Variants in ZNF727 observed in about 807,000 individuals in gnomAD.
ZNF727 encodes the protein zinc finger protein 727.
In ZNF727, 11 loss-of-function variants were observed where a neutral mutation model predicts 11.5. The observed-to-expected ratio is 0.95, with a 90% CI of 0.60 to 1.58. The LOEUF (loss-of-function observed/expected upper bound fraction) is 1.58. Ranked by LOEUF, ZNF727 falls within the 40% of genes most tolerant of loss-of-function variation. The pLI, the probability that ZNF727 is intolerant of heterozygous loss-of-function variation, is 0.00. For missense variants in ZNF727, 533 were observed against 581.7 expected (o/e 0.92, Z 0.86); for synonymous variants, 171 against 196.1 (o/e 0.87, Z 1.07).
At chr7:64,075,066 G>A (rs900022763) in intron 3 of ZNF727, among the ~76,000 whole-genome samples, 16 of 151,736 alleles carry the variant, frequency 1.1e-4, no homozygotes, top group African/African-American at 3.9e-4. Flanking sequence ...TAATTAATAG[G>A]CACACCATAT....
intron 1 of ZNF727, among the ~76,000 whole-genome samples, chr7:64,060,528 C>T (rs1241749232): frequency 6.6e-6 from 1 of 152,184 alleles, no homozygotes; most frequent in Non-Finnish European, 1.5e-5. Context: ...GCCATTCCAG[C>T]CCCATCTTTC....
In ZNF727 at chr7:64,082,053, G is replaced by T. The variant is rs1211879764; in HGVS notation, c.*3504G>T. Reference sequence around the variant, plus strand: ...TGTGGGACCCATGGAGGATGGACTGGCCCTCTCTCCTTGGGTAAACTACAG... The same window carrying T: ...TGTGGGACCCATGGAGGATGGACTGTCCCTCTCTCCTTGGGTAAACTACAG... On this transcript the variant is annotated 3_prime_UTR_variant, in exon 4 of 4. Transcript: ENST00000456806. Among the ~76,000 whole-genome samples the T allele has an allele frequency of 6.6e-6, 1 of 152,130 alleles. No homozygotes were observed. The highest frequency in any genetic ancestry group is 1.5e-5 in the Non-Finnish European group (1 of 68,022).
chr7:64,076,762 T>C (rs1219634864), intron 3 of ZNF727, among the ~76,000 whole-genome samples: 1 of 152,224 alleles, frequency 6.6e-6, no homozygotes, highest in Non-Finnish European at 1.5e-5. Context: ...CTTCTGCCTG[T>C]AGTCACTTGC....
chr7:64,059,633 T>C (rs1345246287), intron 1 of ZNF727, among the ~76,000 whole-genome samples: 1 of 152,190 alleles, frequency 6.6e-6, no homozygotes, highest in Admixed American at 6.5e-5. Context: ...CCCTCTTTCA[T>C]GAGAACAAAT....
At chr7:64,072,194 A>G (rs1789971735) in intron 3 of ZNF727, among the ~76,000 whole-genome samples, 1 of 152,114 alleles carries the variant, frequency 6.6e-6, no homozygotes, top group South Asian at 2.1e-4. Context: ...AGCAGGTACA[A>G]ATCTTCTCTT....
At chr7:64,075,807 C>T (rs1481388559) in intron 3 of ZNF727, among the ~76,000 whole-genome samples, 1 of 152,024 alleles carries the variant, frequency 6.6e-6, no homozygotes, top group Non-Finnish European at 1.5e-5. Flanking sequence ...GTAGTAGTAG[C>T]AATATCCCAA....
intron 3 of ZNF727, among the ~76,000 whole-genome samples, chr7:64,074,392 T>C (rs1348328094): frequency 1.3e-5 from 2 of 152,174 alleles, no homozygotes; most frequent in Non-Finnish European, 2.9e-5. Flanking sequence ...AACTCATATT[T>C]TTGCTGTGAG....
chr7:64,061,215 A>T (rs1324542782), intron 1 of ZNF727, among the ~76,000 whole-genome samples: 1 of 152,090 alleles, frequency 6.6e-6, no homozygotes, highest in Non-Finnish European at 1.5e-5. Context: ...ATTAAGTCCA[A>T]TGTTTATTTG....
intron 3 of ZNF727, among the ~76,000 whole-genome samples, chr7:64,070,150 G>A (rs1291813287): frequency 6.6e-6 from 1 of 151,970 alleles, no homozygotes; most frequent in East Asian, 1.9e-4. Flanking sequence ...TTTATACTCA[G>A]TAATTATATT....
At chr7:64,065,593 G>T (rs1292436460) in intron 1 of ZNF727, among the ~76,000 whole-genome samples, 1 of 152,024 alleles carries the variant, frequency 6.6e-6, no homozygotes, top group African/African-American at 2.4e-5. Context: ...CACAGAGAAG[G>T]AGAAGAAAAA....
chr7:64,073,466 ATT>A (rs1177125240), intron 3 of ZNF727, among the ~76,000 whole-genome samples: 1 of 150,188 alleles, frequency 6.7e-6, no homozygotes. Flanking sequence ...TCTTTGTTCT[ATT>A]TTTGAGTTAT....
At chr7:64,048,206 G>A (rs1278547211) in intron 1 of ZNF727, among the ~76,000 whole-genome samples, 1 of 152,006 alleles carries the variant, frequency 6.6e-6, no homozygotes, top group African/African-American at 2.4e-5. Context: ...AACCACAAAT[G>A]TTTTCTAAGA....
At chr7:64,054,769 G>A (rs1409406998) in intron 1 of ZNF727, among the ~76,000 whole-genome samples, 1 of 152,102 alleles carries the variant, frequency 6.6e-6, no homozygotes, top group Admixed American at 6.5e-5. Flanking sequence ...TAGTCTTAGT[G>A]TACATTTCCA....
intron 3 of ZNF727, among the ~76,000 whole-genome samples, chr7:64,072,819 T>A (rs1411557410): frequency 6.6e-6 from 1 of 152,112 alleles, no homozygotes; most frequent in East Asian, 1.9e-4. Context: ...CCAATCAATC[T>A]TTAGTTCTAG....
At chr7:64,045,981 C>G (rs1221005112) in intron 1 of ZNF727, among the ~76,000 whole-genome samples, 1 of 152,110 alleles carries the variant, frequency 6.6e-6, no homozygotes, top group Non-Finnish European at 1.5e-5. Flanking sequence ...TTGGGGTCCC[C>G]AGTCCCTCCT....
rs1785812047 is a variant in ZNF727, at chr7:64,082,721, A to C, written c.*4172A>C. Reference sequence around the variant, plus strand: ...TGAAATCCCACCTCTACTAAAATACAAAAAAAGAAAATTAGCCAGGTGTGG... The same window carrying C: ...TGAAATCCCACCTCTACTAAAATACCAAAAAAGAAAATTAGCCAGGTGTGG... On this transcript the variant is annotated 3_prime_UTR_variant, in exon 4 of 4. Transcript: ENST00000456806. Among the ~76,000 whole-genome samples the C allele has an allele frequency of 6.6e-6, 1 of 152,094 alleles. No individual in the cohort carries two copies. Among genetic ancestry groups the C allele is most frequent in the Non-Finnish European group, 1.5e-5 (1 of 68,022 alleles).
At chr7:64,055,416 C>A (rs1255220578) in intron 1 of ZNF727, among the ~76,000 whole-genome samples, 21 of 147,476 alleles carry the variant, frequency 1.4e-4, no homozygotes, top group Admixed American at 2.0e-4. Flanking sequence ...GACTTCATCT[C>A]AAAAAAAAAA....
intron 2 of ZNF727, 100 bp downstream of exon 2, chr7:64,069,117 C>G (rs1789918225): frequency 1.5e-6 from 2 of 1,342,318 alleles, no homozygotes; most frequent in African/African-American, 1.5e-5. Flanking sequence ...GTTTCAGAAT[C>G]CTGCTTCAAA....
intron 1 of ZNF727, among the ~76,000 whole-genome samples, chr7:64,052,756 G>A (rs1789623021): frequency 6.6e-6 from 1 of 152,212 alleles, no homozygotes; most frequent in South Asian, 2.1e-4. Context: ...CAGGGGCGGA[G>A]CTGCCCAAGG....
Sources: allele counts gnomAD v4.1 joint callset (sites outside exome capture counted in the v4.1 genomes callset), GRCh38; gene constraint gnomAD v4.1.1; transcripts MANE v1.5; gene names NCBI Gene and HGNC (gene_info 2026-07-23, HGNC 2026-07-21).